GRK5: variants seen among roughly 807,000 people sequenced by gnomAD.
The protein encoded by GRK5 is g protein-coupled receptor kinase GRK5.
GRK5 carries 40 observed loss-of-function variants against 78.4 expected under a neutral mutation model. That is an observed-to-expected ratio of 0.51 (90% CI 0.40 to 0.66). GRK5 has a LOEUF of 0.66. Ranked by LOEUF, GRK5 falls within the 30% of genes least tolerant of loss-of-function variation. The pLI, the probability that GRK5 is intolerant of heterozygous loss-of-function variation, is 0.00. For synonymous variants in GRK5, 289 were observed against 296.8 expected (o/e 0.97, Z 0.27); for missense variants, 598 against 759.9 (o/e 0.79, Z 2.50).
chr10:119,376,611 C>A (rs915113198), intron 2 of GRK5, among the ~76,000 whole-genome samples: 6 of 138,596 alleles, frequency 4.3e-5, no homozygotes, highest in Non-Finnish European at 6.0e-5. Flanking sequence ...GTTGCCCAGG[C>A]TGGAGTACAA....
intron 1 of GRK5, among the ~76,000 whole-genome samples, chr10:119,257,223 G>A (rs1564866117): frequency 2.0e-5 from 3 of 152,102 alleles, no homozygotes; most frequent in African/African-American, 7.2e-5. Context: ...TTTCTCTAAT[G>A]GAAACTTTGG....
chr10:119,310,797 A>G (rs1589736279), intron 1 of GRK5, among the ~76,000 whole-genome samples: 2 of 152,350 alleles, frequency 1.3e-5, no homozygotes, highest in East Asian at 3.9e-4. Context: ...CACATTTTCG[A>G]ATCGACCCTT....
At chr10:119,410,759 G>A (rs1480244695) in intron 4 of GRK5, among the ~76,000 whole-genome samples, 8 of 151,852 alleles carry the variant, frequency 5.3e-5, no homozygotes, top group East Asian at 1.9e-4. Context: ...AGTTCCTAGC[G>A]CACAAATGGC....
intron 1 of GRK5, among the ~76,000 whole-genome samples, chr10:119,316,145 A>T (rs1028153312): frequency 2.6e-5 from 4 of 152,028 alleles, no homozygotes; most frequent in African/African-American, 9.7e-5. Context: ...CCTGGCCCCA[A>T]CCCAGGGGCT....
At chr10:119,395,950 C>A (rs935584681) in intron 3 of GRK5, among the ~76,000 whole-genome samples, 2 of 152,174 alleles carry the variant, frequency 1.3e-5, no homozygotes, top group Non-Finnish European at 2.9e-5. Flanking sequence ...TGCGTCACTG[C>A]CCTGGCTCTT....
intron 4 of GRK5, among the ~76,000 whole-genome samples, chr10:119,404,085 T>C (rs1045825557): frequency 3.3e-5 from 5 of 152,224 alleles, no homozygotes; most frequent in African/African-American, 9.7e-5. Context: ...GTTTAAACTT[T>C]TGAGGAACTG....
chr10:119,269,820 G>A (rs996923567), intron 1 of GRK5, among the ~76,000 whole-genome samples: 1 of 139,474 alleles, frequency 7.2e-6, no homozygotes, highest in African/African-American at 2.7e-5. Flanking sequence ...AAGATGGAGT[G>A]AGACTCCATC....
chr10:119,424,317 A>G (rs927458049), intron 5 of GRK5, among the ~76,000 whole-genome samples: 1 of 152,120 alleles, frequency 6.6e-6, no homozygotes, highest in African/African-American at 2.4e-5. Flanking sequence ...CCTGTGCTAG[A>G]TTACTCAGTG....
Position 119,422,333 on chromosome 10 carries a change from A to C in GRK5, c.340-833A>C, listed in dbSNP as rs114744186. ...CTCAGGCCAGCAGCTTAACCTAGAA[A>C]GATAAAGAAACAACGGTGGTGACAT... On this transcript the variant is annotated intron_variant, in intron 4 of 15. Transcript: ENST00000392870. Among the ~76,000 whole-genome samples the C allele has an allele frequency of 8.8e-3, 1,346 of 152,320 alleles. 22 individuals are homozygous for C. Among genetic ancestry groups the C allele is most frequent in the African/African-American group, 0.031 (1,290 of 41,566 alleles).
chr10:119,421,824 T>C (rs2133882875), intron 4 of GRK5, among the ~76,000 whole-genome samples: 1 of 152,132 alleles, frequency 6.6e-6, no homozygotes. Context: ...GGGCTGGACC[T>C]AGAAAAGAAA....
chr10:119,331,018 T>C (rs1850767475), intron 2 of GRK5, among the ~76,000 whole-genome samples: 1 of 152,144 alleles, frequency 6.6e-6, no homozygotes, highest in South Asian at 2.1e-4. Flanking sequence ...TGGGAGCACC[T>C]GAGTGTCCCT....
chr10:119,439,621 A>G (rs1852990569), intron 9 of GRK5, 110 bp from the exon 10 acceptor site: 9 of 924,126 alleles, frequency 9.7e-6, no homozygotes, highest in Non-Finnish European at 1.4e-5. Context: ...TGGGAAGGAA[A>G]CACACTGTGG....
rs149977105 is a variant in GRK5 at position 119,398,198 on chromosome 10, C to T, written c.339+1426C>T. Among the ~76,000 whole-genome samples the T allele has an allele frequency of 3.9e-3, 587 of 152,262 alleles. 1 individual carries two copies. Among genetic ancestry groups the T allele is most frequent in the African/African-American group, 0.012 (496 of 41,546 alleles). ...AGCAGGGTCCCTGTTCACCCAGTCG[C>T]AGCCGATGTCATATTGGTGGGGCTC... On this transcript the variant is annotated intron_variant, in intron 4 of 15. Coordinates refer to ENST00000392870, the MANE Select transcript of GRK5 (RefSeq NM_005308.3).
chr10:119,404,112 A>G (rs1852196786), intron 4 of GRK5, among the ~76,000 whole-genome samples: 1 of 152,212 alleles, frequency 6.6e-6, no homozygotes, highest in Non-Finnish European at 1.5e-5. Context: ...TGTTCTTCAA[A>G]GCACTGTACC....
intron 1 of GRK5, among the ~76,000 whole-genome samples, chr10:119,316,476 T>C (rs1007953733): frequency 6.6e-6 from 1 of 152,056 alleles, no homozygotes; most frequent in African/African-American, 2.4e-5. Flanking sequence ...CCACCCTCAC[T>C]CCAGGCACCT....
chr10:119,388,732 C>T lies in GRK5; in HGVS notation c.261+7805C>T, dbSNP rs187909101. 7.2e-5 allele frequency among the ~76,000 whole-genome samples: 11 copies of T among 152,310 alleles called. No homozygotes were observed. The South Asian group carries it at 1.9e-3, about 26-fold the overall frequency. ...GGTCAGGAATTTGGGCATGGCTTTG[C>T]GATGTGCTGTTGGCTCAAGGTCTCT... On this transcript the variant is annotated intron_variant, in intron 3 of 15. Transcript: ENST00000392870.
intron 2 of GRK5, among the ~76,000 whole-genome samples, chr10:119,369,309 G>A (rs1047689090): frequency 2.0e-5 from 3 of 152,198 alleles, no homozygotes; most frequent in African/African-American, 7.2e-5. Context: ...TTTAGGCGGA[G>A]CACAGGTGAG....
At chr10:119,252,709 A>G (rs146839772) in intron 1 of GRK5, among the ~76,000 whole-genome samples, 2,574 of 152,252 alleles carry the variant, frequency 0.017, 38 homozygotes, top group Non-Finnish European at 0.027. Flanking sequence ...TGGCCTTCCT[A>G]AATTTGCTTT....
chr10:119,278,506 A>G (rs1045750767), intron 1 of GRK5, among the ~76,000 whole-genome samples: 1 of 152,018 alleles, frequency 6.6e-6, no homozygotes, highest in African/African-American at 2.4e-5. Context: ...GAAAGCTTCG[A>G]TGCCTCAGGG....
Sources: gnomAD v4.1 joint callset for allele counts (sites outside exome capture counted in the v4.1 genomes callset) on GRCh38, gnomAD v4.1.1 for gene constraint, MANE v1.5 for transcripts, NCBI Gene and HGNC (gene_info 2026-07-23, HGNC 2026-07-21) for gene names.